SPCS2: variants seen among roughly 807,000 people sequenced by gnomAD.
SPCS2 encodes the protein SPase 25 kDa subunit.
A neutral mutation model predicts 22.3 loss-of-function variants in SPCS2; 3 were observed. That is an observed-to-expected ratio of 0.13 (90% confidence interval 0.06 to 0.35). The LOEUF is 0.35. Among genes scored for constraint, SPCS2 ranks in the 10% least tolerant of loss-of-function variants. SPCS2 has a pLI of 1.00. For missense variants in SPCS2, 169 were observed against 280.9 expected (o/e 0.60, Z 2.85); for synonymous variants, 67 against 97.2 (o/e 0.69, Z 1.83).
chr11:74,961,813 C>G (rs1948516172), intron 1 of SPCS2, among the ~76,000 whole-genome samples: 1 of 152,158 alleles, frequency 6.6e-6, no homozygotes, highest in South Asian at 2.1e-4. Context: ...TAGGTGTGAG[C>G]CACTGCACCT....
chr11:74,976,580 G>A (rs1948615261), intron 4 of SPCS2, among the ~76,000 whole-genome samples: 1 of 152,204 alleles, frequency 6.6e-6, no homozygotes, highest in Admixed American at 6.5e-5. Context: ...GATGAGAGAA[G>A]ATGGTCCACG....
chr11:74,949,542 C>T, intron 1 of SPCS2, 143 bp downstream of exon 1: 1 of 750,378 alleles, frequency 1.3e-6, no homozygotes, highest in Non-Finnish European at 2.3e-6. Context: ...CCTACGCACG[C>T]TTGGAGCCTG....
At chr11:74,964,690 G>C (rs538209139) in intron 1 of SPCS2, among the ~76,000 whole-genome samples, 1 of 152,326 alleles carries the variant, frequency 6.6e-6, no homozygotes, top group South Asian at 2.1e-4. Context: ...CTTACAGTCT[G>C]TGCAGCCCAT....
rs143123455 is a variant in SPCS2 at position 74,954,586 on chromosome 11, C to A, written c.114+5187C>A. On this transcript the variant is annotated intron_variant, in intron 1 of 4. Transcript: ENST00000263672. ...AGGTGATATGCTTGTGCCCTGTTAC[C>A]TAGCTCTGACAAAGAAGATGAACGG... Among the ~76,000 whole-genome samples, 160 of 152,268 alleles carry A rather than the reference C, an allele frequency of 1.1e-3. 1 individual carries two copies. Among genetic ancestry groups the A allele is most frequent in the Admixed American group, 2.6e-3 (39 of 15,286 alleles).
intron 1 of SPCS2, chr11:74,963,473 G>T: frequency 3.1e-6 from 1 of 322,136 alleles, no homozygotes; most frequent in Non-Finnish European, 6.0e-6. Context: ...AAACAAGGTT[G>T]ATGAATTGTA....
intron 1 of SPCS2, among the ~76,000 whole-genome samples, chr11:74,954,834 C>G (rs1948467660): frequency 6.6e-6 from 1 of 152,132 alleles, no homozygotes; most frequent in African/African-American, 2.4e-5. Flanking sequence ...TGATAAGGGT[C>G]TAGCATCTAG....
chr11:74,957,605 A>G (rs1238901530), intron 1 of SPCS2, among the ~76,000 whole-genome samples: 1 of 152,194 alleles, frequency 6.6e-6, no homozygotes, highest in Non-Finnish European at 1.5e-5. Context: ...TTTGCTGCAG[A>G]TTGATATCCC....
intron 1 of SPCS2, chr11:74,963,559 GTTTGTTTGTTTA>G (rs767232662): frequency 1.7e-4 from 72 of 421,342 alleles, no homozygotes; most frequent in South Asian, 4.9e-4. Flanking sequence ...TTGTTTGTTT[GTTTGTTTGTTTA>G]TTTATTTATT....
chr11:74,974,861 G>T (rs928898153), intron 4 of SPCS2, among the ~76,000 whole-genome samples: 22 of 152,134 alleles, frequency 1.4e-4, no homozygotes, highest in African/African-American at 5.3e-4. Flanking sequence ...TGATCTGCCC[G>T]CCTTGGCCTC....
intron 1 of SPCS2, among the ~76,000 whole-genome samples, chr11:74,959,575 T>G (rs1948500258): frequency 6.6e-6 from 1 of 152,228 alleles, no homozygotes; most frequent in Admixed American, 6.5e-5. Flanking sequence ...TAAATTACAT[T>G]TTTTTGTAGA....
intron 1 of SPCS2, among the ~76,000 whole-genome samples, chr11:74,958,509 T>TG (rs1176345274): frequency 3.9e-5 from 6 of 152,244 alleles, no homozygotes; most frequent in Admixed American, 2.6e-4. Context: ...TATGTGTGTG[T>TG]GGGGGGGATA....
At chr11:74,953,956 A>G (rs1207395714) in intron 1 of SPCS2, among the ~76,000 whole-genome samples, 1 of 152,208 alleles carries the variant, frequency 6.6e-6, no homozygotes, top group Non-Finnish European at 1.5e-5. Context: ...GCCTGATCTT[A>G]AAGCACAGCT....
chr11:74,969,341 CT>C (rs1265033004), intron 3 of SPCS2, among the ~76,000 whole-genome samples: 1 of 152,060 alleles, frequency 6.6e-6, no homozygotes, highest in Non-Finnish European at 1.5e-5. Context: ...TTTTTCTTTT[CT>C]TCCTTTCTGA....
At chr11:74,957,146 G>A (rs1203549649) in intron 1 of SPCS2, among the ~76,000 whole-genome samples, 1 of 152,148 alleles carries the variant, frequency 6.6e-6, no homozygotes, top group Non-Finnish European at 1.5e-5. Flanking sequence ...GGCTAGAACA[G>A]TGCTTGGCAC....
At chr11:74,952,809 G>A (rs1948454543) in intron 1 of SPCS2, among the ~76,000 whole-genome samples, 1 of 152,214 alleles carries the variant, frequency 6.6e-6, no homozygotes, top group Non-Finnish European at 1.5e-5. Flanking sequence ...AGAGCTGCTT[G>A]AGTGCCTTTT....
intron 1 of SPCS2, among the ~76,000 whole-genome samples, chr11:74,951,119 A>G (rs931928906): frequency 6.6e-6 from 1 of 152,240 alleles, no homozygotes; most frequent in Non-Finnish European, 1.5e-5. Context: ...ATATGGCACC[A>G]TTGTGTTATT....
intron 1 of SPCS2, among the ~76,000 whole-genome samples, chr11:74,954,729 CAAAAT>C (rs1403337637): frequency 6.6e-6 from 1 of 151,820 alleles, no homozygotes; most frequent in Non-Finnish European, 1.5e-5. Context: ...TTTATTTCCT[CAAAAT>C]AAAAAGTATG....
At chr11:74,974,836 G>C (rs1251421232) in intron 4 of SPCS2, among the ~76,000 whole-genome samples, 2 of 151,964 alleles carry the variant, frequency 1.3e-5, no homozygotes, top group Non-Finnish European at 2.9e-5. Flanking sequence ...GGATGGTCTG[G>C]ATCTCCTGAC....
At position 74,977,097 on chromosome 11, in the gene SPCS2, G is replaced by T. The variant is rs866943388; in HGVS notation, c.*54G>T. On this transcript the variant is annotated 3_prime_UTR_variant, in exon 5 of 5. Transcript: ENST00000263672. ...TGGATCTTGCTGAATTAGTGGCTTG[G>T]GGGGTGGGGGAGATAAAAAGAACTT... is the stretch of plus-strand genomic sequence containing the variant. 3.8e-5 allele frequency: 45 copies of T among 1,180,800 alleles called. No individual in the cohort carries two copies. The East Asian group carries it at 9.8e-4, about 26-fold the overall frequency. The allele number at this position is 1,180,800 out of a possible 1,614,324, so 73.1% of individuals were successfully genotyped here.
Sources: gnomAD v4.1 joint callset for allele counts (sites outside exome capture counted in the v4.1 genomes callset) on GRCh38, gnomAD v4.1.1 for gene constraint, MANE v1.5 for transcripts, NCBI Gene and HGNC (gene_info 2026-07-23, HGNC 2026-07-21) for gene names.